SPECC1: variants seen among roughly 807,000 people sequenced by gnomAD.
The protein encoded by SPECC1 is cytospin-B.
Under a neutral mutation model 104.1 loss-of-function variants are expected in SPECC1, and 62 were observed. That is an observed-to-expected ratio of 0.60 (90% CI 0.49 to 0.74). The LOEUF (loss-of-function observed/expected upper bound fraction) is 0.74. Among genes scored for constraint, SPECC1 ranks in the 30% least tolerant of loss-of-function variants. The pLI is 0.00. For missense variants in SPECC1, 1,306 were observed against 1,310.5 expected (o/e 1.00, Z 0.05); for synonymous variants, 513 against 501.6 (o/e 1.02, Z -0.30).
intron 1 of SPECC1, among the ~76,000 whole-genome samples, chr17:20,055,647 C>A (rs748139240): frequency 3.9e-5 from 6 of 152,220 alleles, no homozygotes; most frequent in Non-Finnish European, 7.3e-5. Flanking sequence ...CTTTACCTCT[C>A]TATACATGAT....
intron 3 of SPECC1, among the ~76,000 whole-genome samples, chr17:20,135,238 T>A (rs530256295): frequency 6.6e-6 from 1 of 152,196 alleles, no homozygotes; most frequent in South Asian, 2.1e-4. Context: ...CCTAAGCAAA[T>A]TACAGTACAG....
chr17:20,261,501 C>CA (rs75833770), intron 12 of SPECC1, among the ~76,000 whole-genome samples: 8,424 of 54,260 alleles, frequency 0.16, 1,071 homozygotes, highest in African/African-American at 0.36. Context: ...GACTCCGTCT[C>CA]AAAAAAAAAA....
intron 1 of SPECC1, among the ~76,000 whole-genome samples, chr17:20,077,708 G>A (rs1165507405): frequency 2.6e-5 from 4 of 152,068 alleles, no homozygotes; most frequent in Non-Finnish European, 5.9e-5. Context: ...CTCAGGTGAT[G>A]CACCTGTTTT....
chr17:20,285,293 T>C (rs907995526), intron 12 of SPECC1, among the ~76,000 whole-genome samples: 19 of 152,236 alleles, frequency 1.2e-4, no homozygotes, highest in Non-Finnish European at 1.9e-4. Context: ...CTCAACACTC[T>C]GGGAAGATAT....
intron 3 of SPECC1, among the ~76,000 whole-genome samples, chr17:20,119,926 G>A (rs574171663): frequency 6.2e-4 from 95 of 152,326 alleles, no homozygotes; most frequent in African/African-American, 2.2e-3. Flanking sequence ...ATGCTCAAAG[G>A]AAATGCTCAC....
At chr17:20,076,783 G>C (rs1009963340) in intron 1 of SPECC1, among the ~76,000 whole-genome samples, 1 of 152,254 alleles carries the variant, frequency 6.6e-6, no homozygotes, top group African/African-American at 2.4e-5. Flanking sequence ...AACACAGTGT[G>C]GGGGAGCACT....
At chr17:20,069,568 T>C (rs1417789061) in intron 1 of SPECC1, among the ~76,000 whole-genome samples, 1 of 152,182 alleles carries the variant, frequency 6.6e-6, no homozygotes, top group African/African-American at 2.4e-5. Flanking sequence ...TATCCAGTTA[T>C]TCCAGCATAA....
At chr17:20,260,567 T>G (rs1289988361) in intron 12 of SPECC1, among the ~76,000 whole-genome samples, 1 of 152,204 alleles carries the variant, frequency 6.6e-6, no homozygotes, top group Non-Finnish European at 1.5e-5. Context: ...GAAGGGGACC[T>G]TTTTCTTTGG....
At chr17:20,204,307 C>A (rs75343197) in intron 3 of SPECC1, 26 bp from the exon 4 acceptor site, 2 of 1,578,320 alleles carry the variant, frequency 1.3e-6, no homozygotes, top group East Asian at 4.5e-5. Flanking sequence ...TTTATTTTTT[C>A]ATTTTTTTCT....
rs771511371 is a variant in SPECC1 at position 20,204,791 on chromosome 17, C to T, written c.742C>T (p.Arg248Trp). The change falls in exon 4 of 15, where the codon CGG (arginine) becomes TGG (tryptophan). Residue 248 changes from arginine to tryptophan, a missense_variant. By Grantham distance (101) the Arg-to-Trp change is moderately radical. Transcript: ENST00000395527. ...GCTTTCCGATCTAGAGGAAGAAAAC[C>T]GGGTCCTGAAGGAGAAACTGATCTA... ...KELSDLEEEN[R>W]VLKEKLIYLE... The T allele has an allele frequency of 2.2e-5, 35 of 1,613,838 alleles. No individual in the cohort carries two copies. Among genetic ancestry groups the T allele is most frequent in the African/African-American group, 2.7e-5 (2 of 74,838 alleles).
chr17:20,113,175 T>C (rs2048578447), intron 3 of SPECC1, among the ~76,000 whole-genome samples: 1 of 152,180 alleles, frequency 6.6e-6, no homozygotes, highest in Non-Finnish European at 1.5e-5. Flanking sequence ...CATATTCTGA[T>C]TTTTAACAGA....
At chr17:20,103,918 G>A (rs2048061527) in intron 2 of SPECC1, among the ~76,000 whole-genome samples, 2 of 152,162 alleles carry the variant, frequency 1.3e-5, no homozygotes, top group Non-Finnish European at 2.9e-5. Context: ...AGGAGAAGGG[G>A]AGAGGAGAAG....
intron 13 of SPECC1, among the ~76,000 whole-genome samples, chr17:20,302,878 T>TAAAAAAAAA (rs35060925): frequency 2.1e-4 from 13 of 61,858 alleles, no homozygotes; most frequent in African/African-American, 8.1e-4. Flanking sequence ...TGAGCCCATC[T>TAAAAAAAAA]AAAAAAAAAA....
chr17:20,111,775 C>T (rs868642435), intron 3 of SPECC1: 5 of 539,050 alleles, frequency 9.3e-6, no homozygotes, highest in African/African-American at 3.0e-5. Context: ...GGAGGAGGAT[C>T]GGGTGGGAGG....
chr17:20,123,278 A>T (rs887260719), intron 3 of SPECC1, among the ~76,000 whole-genome samples: 2 of 152,228 alleles, frequency 1.3e-5, no homozygotes, highest in African/African-American at 4.8e-5. Context: ...TTTTAAACTG[A>T]TATCAGTGTT....
chr17:20,272,757 G>A (rs944290304), intron 12 of SPECC1, among the ~76,000 whole-genome samples: 11 of 152,118 alleles, frequency 7.2e-5, no homozygotes. Flanking sequence ...GATTATATTT[G>A]CTATCATATT....
At chr17:20,064,406 G>A (rs1317519949) in intron 1 of SPECC1, among the ~76,000 whole-genome samples, 1 of 152,158 alleles carries the variant, frequency 6.6e-6, no homozygotes, top group Non-Finnish European at 1.5e-5. Flanking sequence ...GAATCAAAAG[G>A]GTAACTGCTT....
chr17:20,091,751 G>A (rs1414390914), intron 1 of SPECC1, among the ~76,000 whole-genome samples: 2 of 152,152 alleles, frequency 1.3e-5, no homozygotes, highest in African/African-American at 4.8e-5. Flanking sequence ...GACTTGAATG[G>A]TTTGGCCTCT....
intron 5 of SPECC1, among the ~76,000 whole-genome samples, chr17:20,231,093 A>C (rs557986190): frequency 6.6e-6 from 1 of 152,306 alleles, no homozygotes; most frequent in South Asian, 2.1e-4. Context: ...CCAGATGGAG[A>C]GAATTGGAGG....
Sources: allele counts gnomAD v4.1 joint callset (sites outside exome capture counted in the v4.1 genomes callset), GRCh38; gene constraint gnomAD v4.1.1; transcripts MANE v1.5; gene names NCBI Gene and HGNC (gene_info 2026-07-23, HGNC 2026-07-21).